FKBP10: variants seen among roughly 807,000 people sequenced by gnomAD.
FKBP10 encodes the protein FKBP prolyl isomerase 10.
Under a neutral mutation model 53.7 loss-of-function variants are expected in FKBP10, and 34 were observed. The observed-to-expected ratio is 0.63, with a 90% CI of 0.48 to 0.84. The LOEUF is 0.84. FKBP10 is among the 40% of genes least tolerant of loss of function. The pLI, the probability that FKBP10 is intolerant of heterozygous loss-of-function variation, is 0.00. For missense variants in FKBP10, 748 were observed against 797.8 expected (o/e 0.94, Z 0.75); for synonymous variants, 324 against 335.7 (o/e 0.97, Z 0.38).
chr17:41,819,337 C>T lies in FKBP10; in HGVS notation c.855C>T (p.Ala285=), dbSNP rs1054350724. 8.7e-6 allele frequency: 14 copies of T among 1,604,492 alleles called. No individual in the cohort carries two copies. Among genetic ancestry groups the T allele is most frequent in the East Asian group, 2.3e-5 (1 of 44,212 alleles). ...LPPGCVRRAG[A]GDFMRYHYNG... ...CCGGCTGTGTCCGCAGAGCCGGGGC[C>T]GGGGACTTCATGCGCTACCACTACA... Residue 285 remains alanine, a synonymous_variant, in exon 5 of 10, where the codon GCC becomes GCT. Transcript: ENST00000321562.
At chr17:41,821,553 C>T (rs2047891245) in intron 8 of FKBP10, 101 bp from the exon 9 acceptor site, 1 of 1,450,340 alleles carries the variant, frequency 6.9e-7, no homozygotes, top group Non-Finnish European at 9.4e-7. Context: ...TCCAGCCCAG[C>T]CCCAGGAGGG....
intron 6 of FKBP10, 27 bp from the exon 7 acceptor site, chr17:41,820,242 G>T: frequency 6.2e-7 from 1 of 1,613,174 alleles, no homozygotes; most frequent in South Asian, 1.1e-5. Flanking sequence ...GCTCTGAGCT[G>T]ACCACACTCC....
chr17:41,815,042 C>T (rs1378849429), intron 1 of FKBP10, among the ~76,000 whole-genome samples: 26 of 152,152 alleles, frequency 1.7e-4, no homozygotes. Flanking sequence ...CTCAGCCTCC[C>T]GAGTAGCTGG....
chr17:41,813,304 A>G (rs982600521), intron 1 of FKBP10, 25 bp downstream of exon 1: 1 of 1,612,924 alleles, frequency 6.2e-7, no homozygotes. Flanking sequence ...GCGCCCCCGG[A>G]TTCACCACTC....
At position 41,816,227 on chromosome 17, in the gene FKBP10, C is replaced by CTTTTTTTTT. The variant is rs781896839; in HGVS notation, c.246-817_246-809dup. ...AAAGCCATGGCACTTTTAGAATAGG[C>CTTTTTTTTT]TTTTTTTTTTTTTTTTTTTTTTGAG... On this transcript the variant is annotated intron_variant, in intron 1 of 9. Transcript: ENST00000321562. Among the ~76,000 whole-genome samples the CTTTTTTTTT allele has an allele frequency of 1.2e-4, 9 of 77,060 alleles. 2 individuals carry two copies. Among genetic ancestry groups the CTTTTTTTTT allele is most frequent in the East Asian group, 4.4e-4 (1 of 2,248 alleles). 50.6% of individuals were successfully genotyped at this position (77,060 alleles called of 152,430 possible).
intron 2 of FKBP10, 87 bp downstream of exon 2, chr17:41,817,290 G>A: frequency 1.9e-6 from 3 of 1,548,258 alleles, no homozygotes; most frequent in Non-Finnish European, 2.6e-6. Flanking sequence ...GAAGTGCGGA[G>A]ATGAGGAGTG....
Position 41,820,357 on chromosome 17 carries a change from A to G in FKBP10, c.1152A>G (p.Thr384=). 6 of 1,614,196 alleles carry G rather than the reference A, an allele frequency of 3.7e-6. No homozygotes were observed. The highest frequency in any genetic ancestry group is 5.1e-6 in the Non-Finnish European group (6 of 1,180,028). The part of the protein sequence containing the change: ...HNPADVVEIR[T]LSRPSETCNE... ...CTGCGGATGTGGTGGAAATCAGGAC[A>G]CTGTCCCGGCCATCTGAGACCTGCA... The change falls in exon 7 of 10, where the codon ACA becomes ACG. Residue 384 remains threonine (T), a synonymous_variant. Transcript: ENST00000321562.
chr17:41,820,197 C>T, intron 6 of FKBP10, 72 bp from the exon 7 acceptor site: 2 of 1,528,520 alleles, frequency 1.3e-6, no homozygotes, highest in Non-Finnish European at 1.8e-6. Context: ...GGTCTGGGGA[C>T]CTCCATGGAG....
intron 8 of FKBP10, 135 bp from the exon 9 acceptor site, chr17:41,821,518 TC>T: frequency 1.9e-6 from 2 of 1,080,350 alleles, no homozygotes; most frequent in Non-Finnish European, 2.6e-6. Flanking sequence ...TCAGGATGGC[TC>T]CTTAAACATC....
chr17:41,819,489 C>T, intron 5 of FKBP10, 41 bp from the exon 6 acceptor site: 1 of 1,613,862 alleles, frequency 6.2e-7, no homozygotes, highest in East Asian at 2.2e-5. Flanking sequence ...AGGGGAGGGC[C>T]CCTTTGACTC....
At chr17:41,818,335 A>G (rs1446751107) in intron 3 of FKBP10, 47 bp from the exon 4 acceptor site, 1 of 1,614,100 alleles carries the variant, frequency 6.2e-7, no homozygotes, top group Non-Finnish European at 8.5e-7. Context: ...GGGAGCGGGA[A>G]TCCGGGGCCC....
chr17:41,818,671 A>G (rs543136459), intron 4 of FKBP10, 144 bp downstream of exon 4: 17 of 1,192,610 alleles, frequency 1.4e-5, no homozygotes, highest in Admixed American at 6.0e-5. Context: ...TGGTGCTACT[A>G]AGAAGGGGTG....
At position 41,818,905 on chromosome 17, in the gene FKBP10, G is replaced by A. The variant is rs1482334288; in HGVS notation, c.728-305G>A. 22 of 413,220 alleles carry A rather than the reference G, an allele frequency of 5.3e-5. No individual in the cohort carries two copies. In the Admixed American group the frequency reaches 7.6e-4, roughly 14 times the overall value. The allele number at this position is 413,220 out of a possible 1,614,324, so 25.6% of individuals were successfully genotyped here. On this transcript the variant is annotated intron_variant, in intron 4 of 9. Transcript: ENST00000321562. ...CGGGAGGCGGAGCTTGCAGTGAGCC[G>A]AGATCGCGCCACTGCACTCCAGCCT...
chr17:41,819,426 C>T lies in FKBP10; in HGVS notation c.917+27C>T, dbSNP rs1466901152. ...TCAGGAGGGTCTTGAGGTGGGAGGG[C>T]GGGGGCTGGGTGAAACGTGGACGAA... On this transcript the variant is annotated intron_variant, in intron 5 of 9. Transcript: ENST00000321562. The T allele has an allele frequency of 6.7e-5, 50 of 744,624 alleles. 1 individual carries two copies. In the Middle Eastern group the frequency reaches 8.0e-4, roughly 12 times the overall value. The allele number at this position is 744,624 out of a possible 1,614,324, so 46.1% of individuals were successfully genotyped here.
chr17:41,822,275 C>G lies in FKBP10; in HGVS notation c.1616C>G (p.Pro539Arg), dbSNP rs782494753. ...QVSEGKGRLM[P>R]GQDPEKTIGD... is the part of the protein sequence containing the mutation. Reference sequence around the variant, plus strand: ...AGTGAGGGCAAAGGACGCCTCATGCCTGGGCAGGACCCTGAGAAAACCATA... The same window carrying G: ...AGTGAGGGCAAAGGACGCCTCATGCGTGGGCAGGACCCTGAGAAAACCATA... The change falls in exon 10 of 10, where the codon CCT becomes CGT. Residue 539 changes from proline to arginine, a missense_variant. Physicochemically the swap from Pro to Arg is moderately radical, Grantham distance 103. Transcript: ENST00000321562. 6.2e-7 allele frequency: 1 copy of G among 1,613,904 alleles called. No homozygotes were observed. Among genetic ancestry groups the G allele is most frequent in the Non-Finnish European group, 8.5e-7 (1 of 1,179,928 alleles).
At chr17:41,819,111 G>T (rs1186928873) in intron 4 of FKBP10, 99 bp from the exon 5 acceptor site, 2 of 1,216,608 alleles carry the variant, frequency 1.6e-6, no homozygotes, top group Non-Finnish European at 2.4e-6. Context: ...TGGAGAGTGG[G>T]GCTAGTGTCT....
intron 6 of FKBP10, chr17:41,820,021 A>C (rs2047870192): frequency 1.3e-6 from 2 of 1,485,290 alleles, no homozygotes; most frequent in African/African-American, 2.8e-5. Flanking sequence ...GCTGATCCGC[A>C]GGGTAAGTTA....
intron 2 of FKBP10, among the ~76,000 whole-genome samples, chr17:41,817,730 G>A (rs2047834025): frequency 6.6e-6 from 1 of 151,390 alleles, no homozygotes; most frequent in Non-Finnish European, 1.5e-5. Flanking sequence ...CTGGGCTCAA[G>A]CAGTCCTCCC....
At chr17:41,816,929 G>C in intron 1 of FKBP10, 129 bp from the exon 2 acceptor site, 1 of 1,338,824 alleles carries the variant, frequency 7.5e-7, no homozygotes, top group Non-Finnish European at 1.1e-6. Flanking sequence ...GTGTGTGTGC[G>C]TATCCACACC....
Sources: gnomAD v4.1 joint callset for allele counts (sites outside exome capture counted in the v4.1 genomes callset) on GRCh38, gnomAD v4.1.1 for gene constraint, MANE v1.5 for transcripts, NCBI Gene and HGNC (gene_info 2026-07-23, HGNC 2026-07-21) for gene names.